OGFR: variants seen among roughly 807,000 people sequenced by gnomAD.
The protein encoded by OGFR is opioid growth factor receptor, also known as protein 7-60.
OGFR carries 18 observed loss-of-function variants against 33.6 expected under a neutral mutation model. That is an observed-to-expected ratio of 0.54 (90% CI 0.37 to 0.80). OGFR has a LOEUF of 0.80. Ranked by LOEUF, OGFR falls within the 30% of genes least tolerant of loss-of-function variation. The pLI is 0.00. For synonymous variants in OGFR, 370 were observed against 400.7 expected (o/e 0.92, Z 0.91); for missense variants, 877 against 955.8 (o/e 0.92, Z 1.09).
chr20:62,813,138 C>T lies in OGFR; in HGVS notation c.1523C>T (p.Thr508Met), dbSNP rs768751413. ...NGVEEDTEGR[T>M]GPKEGTPGSP... is the part of the protein sequence containing the mutation. ...GTTGAGGAGGACACAGAAGGTCGAACGGGGCCCAAAGAAGGTACCCCTGGG... is the reference window on the plus strand; with the variant it reads ...GTTGAGGAGGACACAGAAGGTCGAATGGGGCCCAAAGAAGGTACCCCTGGG... Residue 508 changes from threonine (T) to methionine (M), a missense_variant, in exon 7 of 7, where the codon ACG (threonine) becomes ATG (methionine). Physicochemically the swap from Thr to Met is moderately conservative, Grantham distance 81 (BLOSUM62 -1). Coordinates refer to ENST00000290291, the MANE Select transcript of OGFR (RefSeq NM_007346.4). 16 of 1,581,284 alleles carry T rather than the reference C, an allele frequency of 1.0e-5. No homozygotes were observed. Among genetic ancestry groups the T allele is most frequent in the East Asian group, 2.3e-5 (1 of 43,060 alleles).
rs972210843 is a variant in OGFR, at chr20:62,804,872, G to A, written c.13G>A (p.Asp5Asn). The A allele has an allele frequency of 6.8e-6, 9 of 1,315,038 alleles. No homozygotes were observed. Among genetic ancestry groups the A allele is most frequent in the Non-Finnish European group, 8.9e-6 (9 of 1,009,034 alleles). The allele number at this position is 1,315,038 out of a possible 1,614,324, so 81.5% of individuals were successfully genotyped here. Residue 5 changes from aspartate (D) to asparagine (N), a missense_variant, in exon 1 of 7, where the codon GAC becomes AAC. By Grantham distance (23) the Asp-to-Asn change is conservative (BLOSUM62 1). Transcript: ENST00000290291. The part of the protein sequence containing the change: MDDP[D>N]CDSTWEEDEE... ...GCCGCCGCCGAGCATGGACGACCCC[G>A]ACTGCGACTCCACCTGGGAGGAGGA...
At chr20:62,811,355 C>CTGTT in intron 5 of OGFR, 107 bp from the exon 6 acceptor site, 1 of 1,190,252 alleles carries the variant, frequency 8.4e-7, no homozygotes, top group South Asian at 1.4e-5. Context: ...GTCTGTCTGT[C>CTGTT]TGTCTAGTCC....
chr20:62,811,626 T>TGGCGC lies in OGFR; in HGVS notation c.614+16_614+17insGGCGC. ...ACCTGAACTGGTGAGGCCCGGCTGC[T>TGGCGC]CCCGCCCACCCCCACCCCGGCGCAG... On this transcript the variant is annotated intron_variant, in intron 6 of 6. Transcript: ENST00000290291. 9 of 1,502,488 alleles carry TGGCGC rather than the reference T, an allele frequency of 6.0e-6. No homozygotes were observed. Among genetic ancestry groups the TGGCGC allele is most frequent in the African/African-American group, 1.4e-5 (1 of 71,438 alleles). The allele number at this position is 1,502,488 out of a possible 1,614,324, so 93.1% of individuals were successfully genotyped here.
At chr20:62,808,145 C>T in intron 2 of OGFR, 102 bp from the exon 3 acceptor site, 7 of 921,546 alleles carry the variant, frequency 7.6e-6, no homozygotes, top group Non-Finnish European at 1.3e-5. Flanking sequence ...GGTATTGGGC[C>T]AGCCTGGAGG....
Position 62,812,860 on chromosome 20 carries a change from G to A in OGFR, c.1245G>A (p.Glu415=), listed in dbSNP as rs1411555373. The part of the protein sequence containing the change: ...SEVEKIALNL[E]GCALSQGSLR... ...TGGAGAAGATCGCTCTGAATTTGGA[G>A]GGGTGTGCCCTCAGCCAGGGCAGCC... The change falls in exon 7 of 7, where the codon GAG becomes GAA. Residue 415 remains glutamate (E), a synonymous_variant. Coordinates refer to ENST00000290291, the MANE Select transcript of OGFR (RefSeq NM_007346.4). 2 of 1,612,718 alleles carry A rather than the reference G, an allele frequency of 1.2e-6. No homozygotes were observed. Among genetic ancestry groups the A allele is most frequent in the Non-Finnish European group, 1.7e-6 (2 of 1,179,958 alleles).
In OGFR at chr20:62,813,924, G is replaced by C; in HGVS notation, c.*275G>C. 1.8e-6 allele frequency: 1 copy of C among 555,394 alleles called. No individual in the cohort carries two copies. The highest frequency in any genetic ancestry group is 3.2e-6 in the Non-Finnish European group (1 of 313,020). The allele number at this position is 555,394 out of a possible 1,614,324, so 34.4% of individuals were successfully genotyped here. A position where few individuals can be genotyped will look rare whatever the true frequency, so the allele number is the denominator to read the frequency against. ...TTTGTAAATTGACCCTTCTGGAGTG[G>C]GGGGCGGCGGGCAGGGCTGCTTTTC... On this transcript the variant is annotated 3_prime_UTR_variant, in exon 7 of 7. Coordinates refer to ENST00000290291, the MANE Select transcript of OGFR (RefSeq NM_007346.4).
rs774387203 is a variant in OGFR, at chr20:62,813,562, T to C, written c.1947T>C (p.Pro649=). Residue 649 remains proline, a synonymous_variant, in exon 7 of 7, where the codon CCT becomes CCC. Coordinates refer to ENST00000290291, the MANE Select transcript of OGFR (RefSeq NM_007346.4). ...SETPGPSPAG[P]TRDEPAKAGE... ...CCCCAGGCCCCAGCCCGGCAGGACCTACAAGGGATGAGCCAGCCAAGGCGG... is the reference window on the plus strand; with the variant it reads ...CCCCAGGCCCCAGCCCGGCAGGACCCACAAGGGATGAGCCAGCCAAGGCGG... The C allele has an allele frequency of 2.5e-6, 4 of 1,610,320 alleles. No homozygotes were observed. In the South Asian group the frequency reaches 4.4e-5, roughly 18 times the overall value.
Position 62,812,626 on chromosome 20 carries a change from TG to T in OGFR, c.1016del (p.Gly339AlafsTer39). The T allele has an allele frequency of 6.4e-7, 1 of 1,557,592 alleles. No individual in the cohort carries two copies. The highest frequency in any genetic ancestry group is 8.7e-7 in the Non-Finnish European group (1 of 1,152,722). Reference sequence around the variant, plus strand: ...CCTGTGGGCCAGAGCATAGCAAGGGTGGGGGCAGGGTGGACGAGGGGCCCCA... The same window carrying T: ...CCTGTGGGCCAGAGCATAGCAAGGGTGGGGCAGGGTGGACGAGGGGCCCCA... ...RTCGPEHSKG[G>X]GRVDEGPQPR... On this transcript the variant is annotated frameshift_variant, in exon 7 of 7. Transcript: ENST00000290291. LOFTEE classifies it low-confidence loss of function (END_TRUNC).
chr20:62,810,010 C>T (rs1990687912), intron 4 of OGFR, among the ~76,000 whole-genome samples: 1 of 152,250 alleles, frequency 6.6e-6, no homozygotes, highest in Admixed American at 6.5e-5. Flanking sequence ...CCGTCTCGGA[C>T]TCAGCTGGGG....
chr20:62,809,668 G>A lies in OGFR; in HGVS notation c.398+5G>A. 1 of 1,463,188 alleles carries A rather than the reference G, an allele frequency of 6.8e-7. No homozygotes were observed. Among genetic ancestry groups the A allele is most frequent in the Non-Finnish European group, 9.4e-7 (1 of 1,058,284 alleles). 90.6% of individuals were successfully genotyped at this position (1,463,188 alleles called of 1,614,324 possible). On this transcript the variant is annotated splice_donor_5th_base_variant and intron_variant, in intron 4 of 6. Transcript: ENST00000290291. ...CAATCACTCCTACATCCAGTGGTGAGTTGGGGAGGATGGGGGGATGGGGGG... is the reference window on the plus strand; with the variant it reads ...CAATCACTCCTACATCCAGTGGTGAATTGGGGAGGATGGGGGGATGGGGGG...
In OGFR at chr20:62,812,770, G is replaced by C. The variant is rs747387382; in HGVS notation, c.1155G>C (p.Arg385Ser). Residue 385 changes from arginine (R) to serine (S), a missense_variant, in exon 7 of 7, where the codon AGG becomes AGC. Transcript: ENST00000290291. ...EPLSPKESKKRKLELSRREQP... is the reference protein window; with the variant it reads ...EPLSPKESKKSKLELSRREQP... The stretch of plus-strand genomic sequence containing the variant: ...TAAGCCCCAAAGAGAGCAAGAAGAG[G>C]AAGCTGGAGCTGAGCCGGCGGGAGC... The C allele has an allele frequency of 2.5e-6, 4 of 1,612,260 alleles. No individual in the cohort carries two copies. The highest frequency in any genetic ancestry group is 3.4e-6 in the Non-Finnish European group (4 of 1,179,658).
intron 2 of OGFR, 173 bp from the exon 3 acceptor site, chr20:62,808,074 G>A: frequency 1.5e-6 from 1 of 681,864 alleles, no homozygotes; most frequent in Non-Finnish European, 2.7e-6. Context: ...GGGGCTTGGA[G>A]GCAGCTGCTG....
At position 62,813,718 on chromosome 20, in the gene OGFR, CT is replaced by C; in HGVS notation, c.*70del. 1.3e-6 allele frequency: 2 copies of C among 1,555,598 alleles called. No individual in the cohort carries two copies. The highest frequency in any genetic ancestry group is 8.8e-7 in the Non-Finnish European group (1 of 1,131,152). On this transcript the variant is annotated 3_prime_UTR_variant, in exon 7 of 7. Coordinates refer to ENST00000290291, the MANE Select transcript of OGFR (RefSeq NM_007346.4). ...GCAGGGGCTGGGGCCTCCGGAGCTG[CT>C]GCGGGCTCCCCTCAGGCTCTGCTTC...
At position 62,804,918 on chromosome 20, in the gene OGFR, C is replaced by CGGAGGACGA; in HGVS notation, c.63_71dup (p.Glu21_Glu23dup). The CGGAGGACGA allele has an allele frequency of 6.7e-7, 1 of 1,495,576 alleles. No individual in the cohort carries two copies. Among genetic ancestry groups the CGGAGGACGA allele is most frequent in the African/African-American group, 1.5e-5 (1 of 68,124 alleles). 92.6% of individuals were successfully genotyped at this position (1,495,576 alleles called of 1,614,324 possible). A position where few individuals can be genotyped will look rare whatever the true frequency, so the allele number is the denominator to read the frequency against. On this transcript the variant is annotated inframe_insertion, in exon 1 of 7. Transcript: ENST00000290291. ...GAGGACGAGGAGGATGCGGAGGACG[C>CGGAGGACGA]GGAGGACGAGGACTGCGAGGACGGC... is the stretch of plus-strand genomic sequence containing the variant.
intron 3 of OGFR, among the ~76,000 whole-genome samples, chr20:62,809,175 C>G (rs1990667829): frequency 6.6e-6 from 1 of 152,194 alleles, no homozygotes; most frequent in Admixed American, 6.5e-5. Context: ...ACTGTGCCTG[C>G]CACATCATGG....
At chr20:62,809,520 A>G in intron 3 of OGFR, 65 bp from the exon 4 acceptor site, 2 of 1,240,074 alleles carry the variant, frequency 1.6e-6, no homozygotes, top group Non-Finnish European at 2.4e-6. Flanking sequence ...CCCCACCCAC[A>G]CCCCGTCCTC....
At position 62,804,932 on chromosome 20, in the gene OGFR, T is replaced by TGCGAGGACG. The variant is rs1990547583; in HGVS notation, c.80_88dup (p.Asp27_Glu29dup). The TGCGAGGACG allele has an allele frequency of 6.7e-7, 1 of 1,494,516 alleles. No individual in the cohort carries two copies. The highest frequency in any genetic ancestry group is 1.5e-5 in the African/African-American group (1 of 68,364). 92.6% of individuals were successfully genotyped at this position (1,494,516 alleles called of 1,614,324 possible). On this transcript the variant is annotated inframe_insertion, in exon 1 of 7. Coordinates refer to ENST00000290291, the MANE Select transcript of OGFR (RefSeq NM_007346.4). ...TGCGGAGGACGCGGAGGACGAGGAC[T>TGCGAGGACG]GCGAGGACGGCGAGGCCGCCGGCGC...
chr20:62,810,631 AGAGACG>A lies in OGFR; in HGVS notation c.465+68_465+73del, dbSNP rs1990704617. 32 of 1,507,076 alleles carry A rather than the reference AGAGACG, an allele frequency of 2.1e-5. No homozygotes were observed. The South Asian group carries it at 3.3e-4, about 15-fold the overall frequency. 93.4% of individuals were successfully genotyped at this position (1,507,076 alleles called of 1,614,324 possible). A position where few individuals can be genotyped will look rare whatever the true frequency, so the allele number is the denominator to read the frequency against. On this transcript the variant is annotated intron_variant, in intron 5 of 6. Transcript: ENST00000290291. ...AGGCCTGGGCAAGCCACGCCGCTGC[AGAGACG>A]GGGTCGCCTCTGGCAGTAGGCATTT... is the stretch of plus-strand genomic sequence containing the variant.
intron 3 of OGFR, 24 bp from the exon 4 acceptor site, chr20:62,809,561 G>C (rs1459243229): frequency 1.0e-5 from 16 of 1,604,464 alleles, no homozygotes; most frequent in Non-Finnish European, 1.4e-5. Flanking sequence ...TGCCACAGCT[G>C]ACTTGTCCCC....
Sources: gnomAD v4.1 joint callset for allele counts (sites outside exome capture counted in the v4.1 genomes callset) on GRCh38, gnomAD v4.1.1 for gene constraint, MANE v1.5 for transcripts, NCBI Gene and HGNC (gene_info 2026-07-23, HGNC 2026-07-21) for gene names.